HTR1D: variants seen among roughly 807,000 people sequenced by gnomAD.
HTR1D encodes the protein 5-HT-1D.
A neutral mutation model predicts 21.1 loss-of-function variants in HTR1D; 18 were observed. The observed-to-expected ratio is 0.85, with a 90% confidence interval of 0.59 to 1.27. HTR1D has a LOEUF of 1.27. Among genes scored for constraint, HTR1D ranks in the 50% most tolerant of loss-of-function variants. HTR1D has a pLI of 0.00. For synonymous variants in HTR1D, 196 were observed against 204.4 expected, an observed-to-expected ratio of 0.96 and a Z score of 0.35; for missense variants, 456 against 481.4, an observed-to-expected ratio of 0.95 and a Z score of 0.49.
In HTR1D at chr1:23,194,072, G is replaced by A. The variant is rs778593692; in HGVS notation, c.148C>T (p.Leu50=). ...SLAVVLSVIT[L]ATVLSNAFVL... The stretch of plus-strand genomic sequence containing the variant: ...AAGGCATTGGAGAGGACTGTGGCCA[G>A]TGTGATGACGGAAAGGACCACGGCA... Residue 50 remains leucine (L), a synonymous_variant, in exon 2 of 2, where the codon CTG becomes TTG. Coordinates refer to ENST00000374619, the MANE Select transcript of HTR1D (RefSeq NM_000864.5). 5.6e-6 allele frequency: 9 copies of A among 1,614,226 alleles called. No homozygotes were observed. The highest frequency in any genetic ancestry group is 7.6e-6 in the Non-Finnish European group (9 of 1,180,044).
chr1:23,204,843 G>A (rs977643862), intron 1 of HTR1D, among the ~76,000 whole-genome samples: 1 of 152,184 alleles, frequency 6.6e-6, no homozygotes, highest in African/African-American at 2.4e-5. Flanking sequence ...CACACAACCA[G>A]CAGACACATG....
intron 1 of HTR1D, among the ~76,000 whole-genome samples, chr1:23,211,823 C>T (rs1222210126): frequency 6.6e-6 from 1 of 151,692 alleles, no homozygotes; most frequent in Middle Eastern, 3.2e-3. Context: ...TCATGCCTGG[C>T]AAATTTTAAA....
intron 1 of HTR1D, among the ~76,000 whole-genome samples, chr1:23,200,963 T>C (rs1255502736): frequency 6.6e-6 from 1 of 152,102 alleles, no homozygotes; most frequent in Non-Finnish European, 1.5e-5. Context: ...CCAGATCACA[T>C]GGACTCCAGC....
chr1:23,209,948 T>C (rs1644747648), intron 1 of HTR1D, among the ~76,000 whole-genome samples: 1 of 152,180 alleles, frequency 6.6e-6, no homozygotes, highest in Non-Finnish European at 1.5e-5. Flanking sequence ...ACAGGCCTGG[T>C]GACGGCAGCT....
chr1:23,197,022 A>C (rs1644691391), intron 1 of HTR1D, among the ~76,000 whole-genome samples: 1 of 152,174 alleles, frequency 6.6e-6, no homozygotes, highest in African/African-American at 2.4e-5. Context: ...TCTTCCCTGC[A>C]GACAGTCTGG....
In HTR1D at chr1:23,193,813, C is replaced by G. The variant is rs751188382; in HGVS notation, c.407G>C (p.Arg136Thr). ...CAGGGCATCTGTGATTGCCCAGTAC[C>G]TGTCCAGAGCAATGACACAGAGATG... Reference protein sequence around the residue: ...ILHLCVIALDRYWAITDALEY... With the variant: ...ILHLCVIALDTYWAITDALEY... Residue 136 changes from arginine to threonine, a missense_variant, in exon 2 of 2, where the codon AGG (arginine) becomes ACG (threonine). Transcript: ENST00000374619. 6.2e-7 allele frequency: 1 copy of G among 1,614,216 alleles called. No homozygotes were observed. The highest frequency in any genetic ancestry group is 1.1e-5 in the South Asian group (1 of 91,082).
chr1:23,215,626 A>T (rs759853186), intron 1 of HTR1D, among the ~76,000 whole-genome samples: 2 of 152,206 alleles, frequency 1.3e-5, no homozygotes, highest in Non-Finnish European at 2.9e-5. Flanking sequence ...ATAGTCATCC[A>T]TCCGTGGCCT....
intron 1 of HTR1D, among the ~76,000 whole-genome samples, chr1:23,211,879 A>T (rs1171176689): frequency 6.6e-6 from 1 of 151,836 alleles, no homozygotes; most frequent in Non-Finnish European, 1.5e-5. Flanking sequence ...GCCCAGGCTG[A>T]TCTTGAACTC....
intron 1 of HTR1D, among the ~76,000 whole-genome samples, chr1:23,202,704 C>G (rs1644714809): frequency 6.6e-6 from 1 of 152,126 alleles, no homozygotes; most frequent in Non-Finnish European, 1.5e-5. Context: ...TGAGTGAGCT[C>G]TGGATGGAGA....
At chr1:23,196,038 G>C (rs187570736) in intron 1 of HTR1D, among the ~76,000 whole-genome samples, 1 of 151,898 alleles carries the variant, frequency 6.6e-6, no homozygotes, top group Non-Finnish European at 1.5e-5. Flanking sequence ...GCAGGGTCTT[G>C]CTATGTTGCC....
At chr1:23,209,517 G>C (rs969306681) in intron 1 of HTR1D, among the ~76,000 whole-genome samples, 1 of 151,926 alleles carries the variant, frequency 6.6e-6, no homozygotes, top group East Asian at 1.9e-4. Context: ...CGCTATGTGG[G>C]CATGGGGATG....
rs2148246161 is a variant in HTR1D at position 23,217,280 on chromosome 1, C to G, written c.-783+11G>C. On this transcript the variant is annotated intron_variant, in intron 1 of 1. Coordinates refer to ENST00000374619, the MANE Select transcript of HTR1D (RefSeq NM_000864.5). The surrounding 1 kb of genome is among the most constrained non-coding windows in gnomAD (Gnocchi z 4.6). ...TGGGGCCAGGCTGCAGACGCGGCCCCGAGAGCTTACCCGCTGCCCGGCGGG... is the reference window on the plus strand; with the variant it reads ...TGGGGCCAGGCTGCAGACGCGGCCCGGAGAGCTTACCCGCTGCCCGGCGGG... 6.6e-6 allele frequency among the ~76,000 whole-genome samples: 1 copy of G among 151,868 alleles called. No individual in the cohort carries two copies. Among genetic ancestry groups the G allele is most frequent in the South Asian group, 2.1e-4 (1 of 4,824 alleles).
At position 23,193,715 on chromosome 1, in the gene HTR1D, T is replaced by G. The variant is rs769728658; in HGVS notation, c.505A>C (p.Ile169Leu). 1 of 1,614,030 alleles carries G rather than the reference T, an allele frequency of 6.2e-7. No individual in the cohort carries two copies. The highest frequency in any genetic ancestry group is 8.5e-7 in the Non-Finnish European group (1 of 1,179,994). Reference sequence around the variant, plus strand: ...CGCCAGAAGAGCGGGGGGATGGAGATGCAGATGGAGATGGCCCAGACAATG... The same window carrying G: ...CGCCAGAAGAGCGGGGGGATGGAGAGGCAGATGGAGATGGCCCAGACAATG... ...IAIVWAISIC[I>L]SIPPLFWRQA... is the part of the protein sequence containing the mutation. The change falls in exon 2 of 2, where the codon ATC (isoleucine) becomes CTC (leucine). Residue 169 changes from isoleucine to leucine, a missense_variant. Ile to Leu is a conservative substitution (Grantham distance 5). Transcript: ENST00000374619.
rs559412196 is a variant in HTR1D, at chr1:23,208,142, C to T, written c.-783+9149G>A. Among the ~76,000 whole-genome samples, 71 of 152,268 alleles carry T rather than the reference C, an allele frequency of 4.7e-4. 1 individual carries two copies. The highest frequency in any genetic ancestry group is 1.6e-3 in the African/African-American group (68 of 41,546). On this transcript the variant is annotated intron_variant, in intron 1 of 1. Transcript: ENST00000374619. The stretch of plus-strand genomic sequence containing the variant: ...TGGGTAAAGAGGTTTTAAATTCTTA[C>T]CATCTGGCCAGGCACGGTGGCTCAT...
Position 23,193,520 on chromosome 1 carries a change from G to C in HTR1D, c.700C>G (p.Leu234Val). 6.2e-7 allele frequency: 1 copy of C among 1,614,064 alleles called. No homozygotes were observed. The highest frequency in any genetic ancestry group is 1.1e-5 in the South Asian group (1 of 91,092). ...GCCGTGGTGAAGCGCTTCCCATAGAGTGAGGGTGGATTCAGGATGCGGTTC... is the reference window on the plus strand; with the variant it reads ...GCCGTGGTGAAGCGCTTCCCATAGACTGAGGGTGGATTCAGGATGCGGTTC... ...ARNRILNPPS[L>V]YGKRFTTAHL... The change falls in exon 2 of 2, where the codon CTC (leucine) becomes GTC (valine). Residue 234 changes from leucine to valine, a missense_variant. Leu to Val is a conservative substitution (Grantham distance 32). Transcript: ENST00000374619.
intron 1 of HTR1D, among the ~76,000 whole-genome samples, chr1:23,205,381 A>T (rs1644725816): frequency 6.6e-6 from 1 of 152,146 alleles, no homozygotes; most frequent in Non-Finnish European, 1.5e-5. Flanking sequence ...GTACCCCAAT[A>T]ACCTATGGGA....
intron 1 of HTR1D, among the ~76,000 whole-genome samples, chr1:23,201,100 G>A (rs1262048855): frequency 6.6e-6 from 1 of 152,194 alleles, no homozygotes; most frequent in Admixed American, 6.5e-5. Context: ...GATTGGACCA[G>A]GGTGGACATG....
intron 1 of HTR1D, among the ~76,000 whole-genome samples, chr1:23,197,817 A>G (rs601529): frequency 0.35 from 53,373 of 151,906 alleles, 9,895 homozygotes; most frequent in African/African-American, 0.47. Flanking sequence ...TGGGAGGATC[A>G]CTTGGGCCCA....
Position 23,193,305 on chromosome 1 carries a change from G to A in HTR1D, c.915C>T (p.Ile305=). ...RERKATKILG[I]ILGAFIICWL... ...AGCAGATGATAAAGGCCCCCAGAAT[G>A]ATGCCCAGGATTTTAGTGGCTTTCC... The change falls in exon 2 of 2, where the codon ATC becomes ATT. Residue 305 remains isoleucine, a synonymous_variant. Coordinates refer to ENST00000374619, the MANE Select transcript of HTR1D (RefSeq NM_000864.5). 1 of 1,614,202 alleles carries A rather than the reference G, an allele frequency of 6.2e-7. No homozygotes were observed.
Sources: allele counts gnomAD v4.1 joint callset (sites outside exome capture counted in the v4.1 genomes callset), GRCh38; gene constraint gnomAD v4.1.1; non-coding constraint Gnocchi (gnomAD v3.1); transcripts MANE v1.5; gene names NCBI Gene and HGNC (gene_info 2026-07-23, HGNC 2026-07-21).